Variants in CCDC39 observed in about 807,000 individuals in gnomAD.
CCDC39 encodes coiled-coil domain-containing protein 39.
A neutral mutation model predicts 121.0 loss-of-function variants in CCDC39; 113 were observed. The ratio of observed to expected loss-of-function variants is 0.93; its 90% confidence interval spans 0.80 to 1.09. CCDC39 has a LOEUF of 1.09. CCDC39 is among the 50% of genes least tolerant of loss of function. The probability of loss-of-function intolerance (pLI) is 0.00; values close to 1 mark genes in which losing one functional copy is unlikely to be tolerated. For missense variants in CCDC39, 1,063 were observed against 1,074.7 expected (o/e 0.99, Z 0.15); for synonymous variants, 349 against 352.2 (o/e 0.99, Z 0.10).
chr3:180,657,711 A>T (rs1232627936), intron 6 of CCDC39, among the ~76,000 whole-genome samples: 1 of 152,218 alleles, frequency 6.6e-6, no homozygotes, highest in African/African-American at 2.4e-5. Context: ...TGTTATTTCA[A>T]TGTAAATTCT....
chr3:180,652,044 A>C (rs1711501276), intron 8 of CCDC39, 119 bp downstream of exon 8: 1 of 636,072 alleles, frequency 1.6e-6, no homozygotes, highest in Non-Finnish European at 2.6e-6. Context: ...CTCAAAAAAA[A>C]AAAAAGTAGT....
chr3:180,667,785 C>G (rs1274604568), intron 1 of CCDC39, among the ~76,000 whole-genome samples: 1 of 152,066 alleles, frequency 6.6e-6, no homozygotes, highest in Non-Finnish European at 1.5e-5. Context: ...TGACATTGGC[C>G]AAAAACTCAG....
In CCDC39 at chr3:180,654,135, A is replaced by C. The variant is rs1178373622; in HGVS notation, c.930+627T>G. Among the ~76,000 whole-genome samples, 3 of 146,102 alleles carry C rather than the reference A, an allele frequency of 2.1e-5. No homozygotes were observed. In the Admixed American group the frequency reaches 2.1e-4, roughly 10 times the overall value. On this transcript the variant is annotated intron_variant, in intron 7 of 19. Coordinates refer to ENST00000476379, the MANE Select transcript of CCDC39 (RefSeq NM_181426.2). Reference sequence around the variant, plus strand: ...AAACCCATGCATATATGATCAACTAATTTTCAGTAAATGTGTCAAGAATAC... The same window carrying C: ...AAACCCATGCATATATGATCAACTACTTTTCAGTAAATGTGTCAAGAATAC...
intron 9 of CCDC39, among the ~76,000 whole-genome samples, chr3:180,648,739 C>T (rs1161133784): frequency 6.6e-6 from 1 of 152,158 alleles, no homozygotes; most frequent in Non-Finnish European, 1.5e-5. Flanking sequence ...ATCACACCAC[C>T]CAATCTCCCA....
At chr3:180,660,806 T>C in intron 3 of CCDC39, 78 bp from the exon 4 acceptor site, 1 of 1,324,352 alleles carries the variant, frequency 7.6e-7, no homozygotes, top group Admixed American at 2.2e-5. Context: ...AACATACCTT[T>C]ATATACTATG....
intron 14 of CCDC39, among the ~76,000 whole-genome samples, chr3:180,626,836 C>T (rs1313537167): frequency 6.6e-6 from 1 of 152,154 alleles, no homozygotes; most frequent in East Asian, 1.9e-4. Flanking sequence ...TTGGTCACCC[C>T]TCTCCCACCT....
chr3:180,639,422 T>C (rs554406878), intron 13 of CCDC39, among the ~76,000 whole-genome samples: 10 of 152,090 alleles, frequency 6.6e-5, no homozygotes, highest in Non-Finnish European at 1.3e-4. Flanking sequence ...GTGGTATATA[T>C]ACACCATGGA....
intron 1 of CCDC39, among the ~76,000 whole-genome samples, chr3:180,674,478 C>T (rs1712136023): frequency 6.6e-6 from 1 of 152,154 alleles, no homozygotes; most frequent in African/African-American, 2.4e-5. Context: ...ATTTCTTTAT[C>T]CTGCCTGATT....
At chr3:180,638,662 GAA>G (rs1456493217) in intron 13 of CCDC39, among the ~76,000 whole-genome samples, 3 of 152,042 alleles carry the variant, frequency 2.0e-5, no homozygotes, top group Non-Finnish European at 4.4e-5. Flanking sequence ...AAAAGGAAAA[GAA>G]GAGGTAAGAG....
At chr3:180,648,111 C>G (rs1288746828) in intron 10 of CCDC39, 54 bp downstream of exon 10, 1 of 1,389,998 alleles carries the variant, frequency 7.2e-7, no homozygotes, top group Admixed American at 1.9e-5. Flanking sequence ...CGTATCTTGA[C>G]CATCACAACT....
chr3:180,671,210 CAAAAAAAAA>C (rs67323828), intron 1 of CCDC39, among the ~76,000 whole-genome samples: 1 of 78,390 alleles, frequency 1.3e-5, no homozygotes, highest in Non-Finnish European at 2.7e-5. Context: ...GACTCTGTGT[CAAAAAAAAA>C]AAAAAAAAAA....
chr3:180,673,244 T>C (rs1000841552), intron 1 of CCDC39, among the ~76,000 whole-genome samples: 4 of 152,264 alleles, frequency 2.6e-5, no homozygotes, highest in Non-Finnish European at 5.9e-5. Flanking sequence ...ACTCCACCTT[T>C]GAAAGTTCTA....
At chr3:180,677,424 A>G (rs1487135148) in intron 1 of CCDC39, among the ~76,000 whole-genome samples, 1 of 151,462 alleles carries the variant, frequency 6.6e-6, no homozygotes, top group Non-Finnish European at 1.5e-5. Context: ...ATAAAACTTG[A>G]TAATATTAAA....
chr3:180,642,198 A>T lies in CCDC39; in HGVS notation c.1669T>A (p.Leu557Met). The T allele has an allele frequency of 5.1e-6, 8 of 1,580,056 alleles. No individual in the cohort carries two copies. Among genetic ancestry groups the T allele is most frequent in the Non-Finnish European group, 6.9e-6 (8 of 1,162,140 alleles). The change falls in exon 13 of 20, where the codon TTG (leucine) becomes ATG (methionine). Residue 557 changes from leucine to methionine, a missense_variant. Physicochemically the swap from Leu to Met is conservative, Grantham distance 15. Coordinates refer to ENST00000476379, the MANE Select transcript of CCDC39 (RefSeq NM_181426.2). Reference sequence around the variant, plus strand: ...TTTAAAAGATTGTCCTCTATCATCAAATCCTATCAACGTAACAAAATGGTC... The same window carrying T: ...TTTAAAAGATTGTCCTCTATCATCATATCCTATCAACGTAACAAAATGGTC... ...LDKAKGFKQD[L>M]MIEDNLLKLE...
In CCDC39 at chr3:180,660,618, A is replaced by G. The variant is rs1711719258; in HGVS notation, c.468T>C (p.Asp156=). The change falls in exon 4 of 20, where the codon GAT becomes GAC. Residue 156 remains aspartate, a synonymous_variant. Coordinates refer to ENST00000476379, the MANE Select transcript of CCDC39 (RefSeq NM_181426.2). ...WLEESAHKDS[D]ALTLQKYAQQ... is the part of the protein sequence containing the mutation. ...GTGCATACTTCTGGAGAGTGAGAGCATCACTATCTTTATGAGCTGATTCTT... is the reference window on the plus strand; with the variant it reads ...GTGCATACTTCTGGAGAGTGAGAGCGTCACTATCTTTATGAGCTGATTCTT... The G allele has an allele frequency of 6.2e-7, 1 of 1,602,040 alleles. No homozygotes were observed. Among genetic ancestry groups the G allele is most frequent in the Non-Finnish European group, 8.5e-7 (1 of 1,173,128 alleles).
At chr3:180,677,166 TTTTATATATATATATATATA>T (rs1383943975) in intron 1 of CCDC39, among the ~76,000 whole-genome samples, 3 of 40,918 alleles carry the variant, frequency 7.3e-5, no homozygotes, top group African/African-American at 3.5e-4. Context: ...ATAATAATAA[TTTTATATATATATATATATA>T]TATATATATA....
rs914854126 is a variant in CCDC39 at position 180,660,978 on chromosome 3, C to A, written c.358-250G>T. 1.1e-4 allele frequency among the ~76,000 whole-genome samples: 17 copies of A among 152,004 alleles called. 2 individuals are homozygous for A. Among genetic ancestry groups the A allele is most frequent in the African/African-American group, 4.1e-4 (17 of 41,510 alleles). On this transcript the variant is annotated intron_variant, in intron 3 of 19. Transcript: ENST00000476379. ...ACAAAGTCAAGAACAGTAGTTGAGC[C>A]AAAGCTTGCTTTAAAAGCCTTTAGG...
chr3:180,659,607 T>G (rs1229223019), intron 5 of CCDC39, 27 bp from the exon 6 acceptor site: 1 of 1,606,926 alleles, frequency 6.2e-7, no homozygotes, highest in Admixed American at 1.7e-5. Context: ...AAAGAACATT[T>G]CTGTGAATTT....
At chr3:180,617,115 G>T in intron 16 of CCDC39, 149 bp from the exon 17 acceptor site, 2 of 560,648 alleles carry the variant, frequency 3.6e-6, no homozygotes, top group Non-Finnish European at 6.1e-6. Flanking sequence ...ATGACATCTC[G>T]GTCAATGATG....
Sources: allele counts gnomAD v4.1 joint callset (sites outside exome capture counted in the v4.1 genomes callset), GRCh38; gene constraint gnomAD v4.1.1; transcripts MANE v1.5; gene names NCBI Gene and HGNC (gene_info 2026-07-23, HGNC 2026-07-21).